The following BCAS4 variants were observed in gnomAD, a reference collection of about 807,000 sequenced individuals.
BCAS4 encodes breast carcinoma-amplified sequence 4.
A neutral mutation model predicts 15.7 loss-of-function variants in BCAS4; 9 were observed. The observed-to-expected ratio is 0.57, with a 90% CI of 0.34 to 1.00. The LOEUF is 1.00. BCAS4 is among the 50% of genes least tolerant of loss of function. BCAS4 has a pLI of 0.02. For missense variants in BCAS4, 225 were observed against 239.1 expected (o/e 0.94, Z 0.39); for synonymous variants, 101 against 99.5 (o/e 1.02, Z -0.09).
At position 50,876,609 on chromosome 20, in the gene BCAS4, G is replaced by C; in HGVS notation, c.*1G>C. Reference sequence around the variant, plus strand: ...CCGCACCTGCCCTCGGCCTTTGTGAGCTTTGTGGTCTTCCCATCAGGAACG... The same window carrying C: ...CCGCACCTGCCCTCGGCCTTTGTGACCTTTGTGGTCTTCCCATCAGGAACG... On this transcript the variant is annotated 3_prime_UTR_variant, in exon 5 of 5. Coordinates refer to ENST00000371608, the MANE Select transcript of BCAS4 (RefSeq NM_198799.4). 6.2e-7 allele frequency: 1 copy of C among 1,613,842 alleles called. No individual in the cohort carries two copies. Among genetic ancestry groups the C allele is most frequent in the Non-Finnish European group, 8.5e-7 (1 of 1,179,886 alleles).
chr20:50,818,998 CA>C (rs2123775769), intron 2 of BCAS4, among the ~76,000 whole-genome samples: 1 of 152,174 alleles, frequency 6.6e-6, no homozygotes, highest in Admixed American at 6.5e-5. Context: ...GCCTGACCAA[CA>C]TGGTGAAACC....
In BCAS4 at chr20:50,818,270, C is replaced by G; in HGVS notation, c.150C>G (p.Ser50Arg). Residue 50 changes from serine to arginine, a missense_variant, in exon 2 of 5, where the codon AGC (serine) becomes AGG (arginine). Physicochemically the swap from Ser to Arg is moderately radical, Grantham distance 110. Coordinates refer to ENST00000371608, the MANE Select transcript of BCAS4 (RefSeq NM_198799.4). The stretch of plus-strand genomic sequence containing the variant: ...TCCTCAGGCTGGAAGAGTTTTGCAG[C>G]CTGGCTGACCTGGTGAGTGGCTGCC... ...GMLLRLEEFC[S>R]LADLIRSDTS... The G allele has an allele frequency of 6.2e-7, 1 of 1,613,380 alleles. No individual in the cohort carries two copies. Among genetic ancestry groups the G allele is most frequent in the Non-Finnish European group, 8.5e-7 (1 of 1,179,786 alleles).
chr20:50,832,058 G>A (rs76931763), intron 3 of BCAS4, among the ~76,000 whole-genome samples: 4,189 of 152,206 alleles, frequency 0.028, 209 homozygotes, highest in African/African-American at 0.097. Context: ...TGTCAGGCCC[G>A]GTTCCTTTCT....
intron 1 of BCAS4, among the ~76,000 whole-genome samples, chr20:50,813,665 G>A (rs1213940887): frequency 6.6e-6 from 1 of 150,472 alleles, no homozygotes; most frequent in African/African-American, 2.5e-5. Context: ...AAGATCATGG[G>A]TGGAGGACCT....
intron 1 of BCAS4, among the ~76,000 whole-genome samples, chr20:50,797,125 A>G (rs1336980984): frequency 6.6e-6 from 1 of 152,166 alleles, no homozygotes; most frequent in Admixed American, 6.6e-5. Flanking sequence ...GGCATGTACC[A>G]CCATGCCTGG....
At chr20:50,834,750 C>T (rs2088386389) in intron 3 of BCAS4, among the ~76,000 whole-genome samples, 1 of 152,232 alleles carries the variant, frequency 6.6e-6, no homozygotes, top group Non-Finnish European at 1.5e-5. Context: ...CACTCATCTA[C>T]TTTCTGTCTC....
intron 1 of BCAS4, among the ~76,000 whole-genome samples, chr20:50,815,959 A>G (rs2088131560): frequency 1.3e-5 from 2 of 152,222 alleles, no homozygotes; most frequent in African/African-American, 4.8e-5. Context: ...TACAAAAATA[A>G]CAACAGAAAC....
chr20:50,869,522 G>T (rs1161057784), intron 4 of BCAS4, among the ~76,000 whole-genome samples: 1 of 152,164 alleles, frequency 6.6e-6, no homozygotes, highest in East Asian at 1.9e-4. Flanking sequence ...GGGCTGCAGT[G>T]GTCACCCAAG....
chr20:50,802,206 TAAATG>T (rs1212690997), intron 1 of BCAS4, among the ~76,000 whole-genome samples: 1 of 151,740 alleles, frequency 6.6e-6, no homozygotes, highest in Non-Finnish European at 1.5e-5. Flanking sequence ...TCAAAAATAA[TAAATG>T]AAAAGATTCA....
intron 1 of BCAS4, among the ~76,000 whole-genome samples, chr20:50,809,197 A>AT (rs1416116815): frequency 2.1e-5 from 3 of 142,748 alleles, no homozygotes; most frequent in Non-Finnish European, 3.0e-5. Flanking sequence ...CTATGTGCCT[A>AT]TTTTTTTAAT....
chr20:50,800,260 G>A (rs1231649880), intron 1 of BCAS4, among the ~76,000 whole-genome samples: 2 of 152,048 alleles, frequency 1.3e-5, no homozygotes, highest in Non-Finnish European at 2.9e-5. Context: ...GAGTTGGCTG[G>A]CTGAGGAGAA....
intron 1 of BCAS4, among the ~76,000 whole-genome samples, chr20:50,816,234 C>T (rs933754927): frequency 6.6e-6 from 1 of 152,104 alleles, no homozygotes; most frequent in Non-Finnish European, 1.5e-5. Flanking sequence ...CCATGTTGGT[C>T]AGGCTGGTCT....
At chr20:50,863,272 T>G (rs1199768584) in intron 4 of BCAS4, among the ~76,000 whole-genome samples, 3 of 145,460 alleles carry the variant, frequency 2.1e-5, no homozygotes, top group Non-Finnish European at 3.0e-5. Context: ...TTTTTTTTTT[T>G]TTTGAGACGG....
chr20:50,849,593 C>A (rs561355628), intron 4 of BCAS4, among the ~76,000 whole-genome samples: 47 of 152,310 alleles, frequency 3.1e-4, no homozygotes, highest in African/African-American at 1.1e-3. Flanking sequence ...GTCTTCTGGG[C>A]ATGAGACAGG....
intron 1 of BCAS4, among the ~76,000 whole-genome samples, chr20:50,799,273 G>A (rs1437314631): frequency 2.0e-5 from 3 of 152,248 alleles, no homozygotes; most frequent in Non-Finnish European, 2.9e-5. Context: ...ACTCAGTCAC[G>A]GGTTTGCTTA....
In BCAS4 at chr20:50,834,102, C is replaced by T. The variant is rs562209870; in HGVS notation, c.264+3722C>T. Among the ~76,000 whole-genome samples the T allele has an allele frequency of 1.1e-4, 17 of 152,102 alleles. No individual in the cohort carries two copies. The South Asian group carries it at 3.1e-3, about 28-fold the overall frequency. On this transcript the variant is annotated intron_variant, in intron 3 of 4. Coordinates refer to ENST00000371608, the MANE Select transcript of BCAS4 (RefSeq NM_198799.4). ...AGGGGTGTAGCCCATAGGGTAGGGC[C>T]GAGGCCTGGAGTGTGGACCCTGTTC... is the stretch of plus-strand genomic sequence containing the variant.
At chr20:50,849,097 A>G (rs60797042) in intron 4 of BCAS4, among the ~76,000 whole-genome samples, 7,741 of 152,346 alleles carry the variant, frequency 0.051, 409 homozygotes, top group East Asian at 0.2. Context: ...CCTGCTGACC[A>G]TGCCAGGCCG....
chr20:50,818,397 A>G, intron 2 of BCAS4, 115 bp downstream of exon 2: 1 of 986,456 alleles, frequency 1.0e-6, no homozygotes, highest in African/African-American at 1.6e-5. Flanking sequence ...GGAATGGGGC[A>G]GCGGCCAGCG....
chr20:50,846,533 C>T (rs1568674824), intron 4 of BCAS4: 1 of 151,728 alleles, frequency 6.6e-6, no homozygotes, highest in African/African-American at 2.4e-5. Flanking sequence ...TCTCAGTGAC[C>T]TCAGAATAAA....
Sources: allele counts gnomAD v4.1 joint callset (sites outside exome capture counted in the v4.1 genomes callset), GRCh38; gene constraint gnomAD v4.1.1; transcripts MANE v1.5; gene names NCBI Gene and HGNC (gene_info 2026-07-23, HGNC 2026-07-21).